The following IPCEF1 variants were observed in gnomAD, a reference collection of about 807,000 sequenced individuals.
IPCEF1 encodes the protein interaction protein for cytohesin exchange factors 1, also known as interactor protein for cytohesin exchange factors 1.
Under a neutral mutation model 50.9 loss-of-function variants are expected in IPCEF1, and 31 were observed. The ratio of observed to expected loss-of-function variants is 0.61; its 90% CI spans 0.46 to 0.82. The LOEUF is 0.82. Ranked by LOEUF, IPCEF1 falls within the 40% of genes least tolerant of loss-of-function variation. The pLI, the probability that IPCEF1 is intolerant of heterozygous loss-of-function variation, is 0.00. For missense variants in IPCEF1, 458 were observed against 514.0 expected, an observed-to-expected ratio of 0.89 and a Z score of 1.05; for synonymous variants, 181 against 192.0, an observed-to-expected ratio of 0.94 and a Z score of 0.47.
intron 9 of IPCEF1, among the ~76,000 whole-genome samples, chr6:154,206,999 G>A (rs949205168): frequency 6.6e-6 from 1 of 152,234 alleles, no homozygotes; most frequent in Non-Finnish European, 1.5e-5. Flanking sequence ...TTTTGTGCAG[G>A]TGAATCAATG....
chr6:154,172,909 G>A (rs1032760713), intron 10 of IPCEF1, among the ~76,000 whole-genome samples: 1 of 152,208 alleles, frequency 6.6e-6, no homozygotes, highest in Non-Finnish European at 1.5e-5. Context: ...CCTCCCAGTA[G>A]GGGCTGACAG....
In IPCEF1 at chr6:154,312,493, C is replaced by T. The variant is rs138430572; in HGVS notation, c.-61-22737G>A. Among the ~76,000 whole-genome samples the T allele has an allele frequency of 2.3e-3, 356 of 152,032 alleles. 1 individual carries two copies. Among genetic ancestry groups the T allele is most frequent in the African/African-American group, 8.1e-3 (335 of 41,464 alleles). Reference sequence around the variant, plus strand: ...TCCTGAGTAACTGGGACTACAGGCACGCACCACCACACCCGGCTAATTTTT... The same window carrying T: ...TCCTGAGTAACTGGGACTACAGGCATGCACCACCACACCCGGCTAATTTTT... On this transcript the variant is annotated intron_variant, in intron 1 of 11. Coordinates refer to ENST00000367220, the MANE Select transcript of IPCEF1 (RefSeq NM_001130700.2).
chr6:154,293,842 T>C (rs1782572253), intron 1 of IPCEF1, among the ~76,000 whole-genome samples: 1 of 152,232 alleles, frequency 6.6e-6, no homozygotes, highest in South Asian at 2.1e-4. Flanking sequence ...TGTGCTTAAA[T>C]ATATAAATTG....
At chr6:154,275,150 A>G (rs1467396792) in intron 2 of IPCEF1, among the ~76,000 whole-genome samples, 1 of 152,194 alleles carries the variant, frequency 6.6e-6, no homozygotes, top group African/African-American at 2.4e-5. Context: ...TCCAGATCCA[A>G]GGAACTTCTA....
Position 154,167,979 on chromosome 6 carries a change from T to C in IPCEF1, c.1045A>G (p.Lys349Glu). Residue 349 changes from lysine (K) to glutamate (E), a missense_variant, in exon 11 of 12, where the codon AAA (lysine) becomes GAA (glutamate). Physicochemically the swap from Lys to Glu is moderately conservative, Grantham distance 56. Transcript: ENST00000367220. ...AGTTTCTCGTTTATAGATGGATTTT[T>C]ACACCGCTTAACAAAGGATTTTCTC... The part of the protein sequence containing the change: ...ELRKSFVKRC[K>E]NPSINEKLHK... The C allele has an allele frequency of 6.2e-7, 1 of 1,610,804 alleles. No homozygotes were observed. Among genetic ancestry groups the C allele is most frequent in the East Asian group, 2.2e-5 (1 of 44,786 alleles).
chr6:154,162,207 T>C (rs1799084147), intron 11 of IPCEF1, among the ~76,000 whole-genome samples: 1 of 152,232 alleles, frequency 6.6e-6, no homozygotes, highest in Non-Finnish European at 1.5e-5. Context: ...CCAGCAATTC[T>C]GTTCTCTCCT....
At chr6:154,272,814 A>T (rs1781931327) in intron 2 of IPCEF1, among the ~76,000 whole-genome samples, 1 of 152,228 alleles carries the variant, frequency 6.6e-6, no homozygotes, top group Non-Finnish European at 1.5e-5. Flanking sequence ...ATGAACCAAG[A>T]ATATCAATCC....
In IPCEF1 at chr6:154,277,055, C is replaced by T. The variant is rs1011939822; in HGVS notation, c.-17-11091G>A. ...TACAGCTCTCAGAAAGAGACACTGA[C>T]GAGCTGCATGCAGCTTGTTTGGGAA... is the stretch of plus-strand genomic sequence containing the variant. On this transcript the variant is annotated intron_variant, in intron 2 of 11. Transcript: ENST00000367220. Among the ~76,000 whole-genome samples the T allele has an allele frequency of 7.2e-5, 11 of 152,298 alleles. No individual in the cohort carries two copies. In the South Asian group the frequency reaches 1.2e-3, roughly 17 times the overall value.
intron 10 of IPCEF1, among the ~76,000 whole-genome samples, chr6:154,174,074 G>A (rs1800096986): frequency 1.3e-5 from 2 of 152,140 alleles, no homozygotes; most frequent in East Asian, 1.9e-4. Context: ...GCCAAACTAA[G>A]CTTCATAAGT....
chr6:154,190,475 C>A (rs1182149071), intron 10 of IPCEF1, among the ~76,000 whole-genome samples: 2 of 152,178 alleles, frequency 1.3e-5, no homozygotes, highest in Non-Finnish European at 2.9e-5. Context: ...TACCCACCTA[C>A]TAGCATGGCG....
In IPCEF1 at chr6:154,247,436, G is replaced by A; in HGVS notation, c.76+13C>T. On this transcript the variant is annotated intron_variant, in intron 4 of 11. Coordinates refer to ENST00000367220, the MANE Select transcript of IPCEF1 (RefSeq NM_001130700.2). ...ACAAAATGGAGATAAAGAAACAAAA[G>A]AGATCTAATTACCTTGAGTTTTCCT... 6.2e-7 allele frequency: 1 copy of A among 1,607,814 alleles called. No homozygotes were observed. Among genetic ancestry groups the A allele is most frequent in the Non-Finnish European group, 8.5e-7 (1 of 1,174,850 alleles).
intron 1 of IPCEF1, among the ~76,000 whole-genome samples, chr6:154,309,562 T>C (rs1163765421): frequency 3.3e-5 from 5 of 152,180 alleles, no homozygotes; most frequent in Admixed American, 1.3e-4. Flanking sequence ...CCCTTCATTA[T>C]GCTGGGGAGG....
intron 1 of IPCEF1, among the ~76,000 whole-genome samples, chr6:154,343,689 G>T (rs1040720883): frequency 1.3e-5 from 2 of 152,184 alleles, no homozygotes; most frequent in African/African-American, 4.8e-5. Flanking sequence ...ACTGCTGTAG[G>T]TGTTGTTGAG....
chr6:154,246,897 T>TTATGCAAAGCC (rs1781086669), intron 4 of IPCEF1, 137 bp from the exon 5 acceptor site: 1 of 988,040 alleles, frequency 1.0e-6, no homozygotes, highest in African/African-American at 1.7e-5. Context: ...TCACCAAGAT[T>TTATGCAAAGCC]TATGCAAAGC....
intron 1 of IPCEF1, among the ~76,000 whole-genome samples, chr6:154,307,217 G>T (rs1782957826): frequency 6.6e-6 from 1 of 152,148 alleles, no homozygotes; most frequent in African/African-American, 2.4e-5. Context: ...GGGACCCGGT[G>T]GGACATGACT....
chr6:154,250,840 A>T (rs1424943304), intron 3 of IPCEF1, among the ~76,000 whole-genome samples: 2 of 152,258 alleles, frequency 1.3e-5, no homozygotes, highest in Non-Finnish European at 2.9e-5. Flanking sequence ...CTCTGGTTGC[A>T]GGAGCCCTAA....
rs1798664728 is a variant in IPCEF1 at position 154,155,214 on chromosome 6, C to A, written c.*4614G>T. On this transcript the variant is annotated 3_prime_UTR_variant, in exon 12 of 12. Coordinates refer to ENST00000367220, the MANE Select transcript of IPCEF1 (RefSeq NM_001130700.2). ...GCTTTCTGTGAGGAGAGAAATTATCCCCCTTCCACAGTCCATTTCATACAG... is the reference window on the plus strand; with the variant it reads ...GCTTTCTGTGAGGAGAGAAATTATCACCCTTCCACAGTCCATTTCATACAG... 6.6e-6 allele frequency: 1 copy of A among 152,076 alleles called. No homozygotes were observed. The highest frequency in any genetic ancestry group is 2.1e-4 in the South Asian group (1 of 4,820). 9.4% of individuals were successfully genotyped at this position (152,076 alleles called of 1,614,324 possible).
Position 154,180,436 on chromosome 6 carries a change from T to C in IPCEF1, c.911-12323A>G, listed in dbSNP as rs1050734363. On this transcript the variant is annotated intron_variant, in intron 10 of 11. Transcript: ENST00000367220. ...TATATTTTTTTTTTAAACATGATCC[T>C]TCTTGGTGACATTAGCAAATGAGAC... 4.0e-5 allele frequency among the ~76,000 whole-genome samples: 6 copies of C among 148,304 alleles called. No homozygotes were observed. The South Asian group carries it at 1.3e-3, about 32-fold the overall frequency.
intron 3 of IPCEF1, among the ~76,000 whole-genome samples, chr6:154,253,293 C>T (rs865852281): frequency 8.5e-5 from 13 of 152,160 alleles, no homozygotes; most frequent in South Asian, 6.2e-4. Context: ...CTTCCTCAGC[C>T]TCCCAAAGTG....
Sources: gnomAD v4.1 joint callset for allele counts (sites outside exome capture counted in the v4.1 genomes callset) on GRCh38, gnomAD v4.1.1 for gene constraint, MANE v1.5 for transcripts, NCBI Gene and HGNC (gene_info 2026-07-23, HGNC 2026-07-21) for gene names.